Variants in VRK1 observed in about 807,000 individuals in gnomAD.
VRK1 encodes the protein VRK serine/threonine kinase 1.
VRK1 carries 33 observed loss-of-function variants against 57.1 expected under a neutral mutation model. The ratio of observed to expected loss-of-function variants is 0.58; its 90% confidence interval spans 0.44 to 0.77. The LOEUF (loss-of-function observed/expected upper bound fraction) is 0.77. Among genes scored for constraint, VRK1 ranks in the 30% least tolerant of loss-of-function variants. The pLI, the probability that VRK1 is intolerant of heterozygous loss-of-function variation, is 0.00. For synonymous variants in VRK1, 137 were observed against 147.8 expected (o/e 0.93, Z 0.53); for missense variants, 413 against 477.3 (o/e 0.87, Z 1.25).
Position 96,855,320 on chromosome 14 carries a change from A to G in VRK1, c.673A>G (p.Ile225Val). The G allele has an allele frequency of 6.2e-7, 1 of 1,614,108 alleles. No homozygotes were observed. Among genetic ancestry groups the G allele is most frequent in the Non-Finnish European group, 8.5e-7 (1 of 1,179,962 alleles). Residue 225 changes from isoleucine (I) to valine (V), a missense_variant, in exon 8 of 13, where the codon ATT (isoleucine) becomes GTT (valine). Ile to Val is a conservative substitution (Grantham distance 29). Coordinates refer to ENST00000216639, the MANE Select transcript of VRK1 (RefSeq NM_003384.3). Reference sequence around the variant, plus strand: ...CCCCAAAAGATGTCACGATGGCACTATTGAATTCACGAGCATCGATGCACA... The same window carrying G: ...CCCCAAAAGATGTCACGATGGCACTGTTGAATTCACGAGCATCGATGCACA... ...EDPKRCHDGT[I>V]EFTSIDAHNG...
chr14:96,832,927 C>G (rs186762803), intron 1 of VRK1, among the ~76,000 whole-genome samples: 5 of 152,048 alleles, frequency 3.3e-5, no homozygotes, highest in African/African-American at 4.8e-5. Context: ...TTAGTTTCCT[C>G]GAAATGGAGG....
chr14:96,838,861 T>C (rs943549946), intron 3 of VRK1, among the ~76,000 whole-genome samples: 2 of 152,220 alleles, frequency 1.3e-5, no homozygotes, highest in Admixed American at 6.5e-5. Context: ...TGGACCTTTT[T>C]AGTGATTTTT....
At chr14:96,806,319 T>C (rs948475951) in intron 1 of VRK1, among the ~76,000 whole-genome samples, 11 of 152,236 alleles carry the variant, frequency 7.2e-5, no homozygotes, top group African/African-American at 2.7e-4. Flanking sequence ...AAGTAGGCAA[T>C]TGGGGACAAT....
intron 1 of VRK1, among the ~76,000 whole-genome samples, chr14:96,831,164 C>A (rs1348215986): frequency 6.6e-6 from 1 of 152,206 alleles, no homozygotes; most frequent in Non-Finnish European, 1.5e-5. Context: ...ACCATACTTT[C>A]TTCTGCTTCC....
intron 1 of VRK1, among the ~76,000 whole-genome samples, chr14:96,822,105 A>G (rs1415485665): frequency 8.1e-5 from 11 of 135,510 alleles, no homozygotes; most frequent in African/African-American, 2.8e-4. Context: ...CTTAGCCCTT[A>G]TACCATTGGA....
intron 1 of VRK1, among the ~76,000 whole-genome samples, chr14:96,802,067 T>TA (rs1475940175): frequency 2.6e-5 from 4 of 152,244 alleles, no homozygotes; most frequent in Admixed American, 2.6e-4. Context: ...GTTCAGGTTA[T>TA]AACATTTAAG....
At chr14:96,851,951 A>G (rs1285661567) in intron 5 of VRK1, among the ~76,000 whole-genome samples, 3 of 152,228 alleles carry the variant, frequency 2.0e-5, no homozygotes, top group Admixed American at 2.0e-4. Context: ...GTCCTGATAC[A>G]TTCTGAGTGT....
chr14:96,853,300 C>T (rs1435820211), intron 7 of VRK1, 134 bp downstream of exon 7: 2 of 763,930 alleles, frequency 2.6e-6, no homozygotes, highest in East Asian at 2.7e-5. Flanking sequence ...CTTCTTGACA[C>T]TTTGATCTAG....
intron 4 of VRK1, among the ~76,000 whole-genome samples, chr14:96,846,496 T>G (rs1471135707): frequency 6.6e-6 from 1 of 152,124 alleles, no homozygotes; most frequent in Non-Finnish European, 1.5e-5. Flanking sequence ...GTCCCTTCTG[T>G]CCTTCTTCCA....
At chr14:96,836,773 C>T (rs963093233) in intron 2 of VRK1, among the ~76,000 whole-genome samples, 43 of 152,068 alleles carry the variant, frequency 2.8e-4, no homozygotes, top group African/African-American at 1.0e-3. Context: ...AGGTGATCCA[C>T]CTGCGTTGAC....
At chr14:96,847,754 A>G (rs1471886094) in intron 5 of VRK1, among the ~76,000 whole-genome samples, 6 of 152,184 alleles carry the variant, frequency 3.9e-5, no homozygotes. Context: ...GAAATGTTGG[A>G]TACATAATCT....
intron 4 of VRK1, 35 bp from the exon 5 acceptor site, chr14:96,847,222 C>G (rs1595670576): frequency 1.3e-6 from 2 of 1,555,602 alleles, no homozygotes; most frequent in East Asian, 4.5e-5. Flanking sequence ...TTATGTATAA[C>G]AATTGAAATC....
chr14:96,821,497 T>A (rs1404842344), intron 1 of VRK1, among the ~76,000 whole-genome samples: 1 of 152,206 alleles, frequency 6.6e-6, no homozygotes, highest in Admixed American at 6.5e-5. Context: ...CCCCTCTGTT[T>A]AGTGGCTAAA....
In VRK1 at chr14:96,833,576, G is replaced by A; in HGVS notation, c.105G>A (p.Lys35=). ...AGATAATAACTGACATGGCAAAAAA[G>A]GAATGGAAAGTAGGATTACCCATTG... ...VGEIITDMAK[K]EWKVGLPIGQ... is the part of the protein sequence containing the mutation. Residue 35 remains lysine (K), a synonymous_variant, in exon 2 of 13, where the codon AAG becomes AAA. Coordinates refer to ENST00000216639, the MANE Select transcript of VRK1 (RefSeq NM_003384.3). 1 of 1,613,776 alleles carries A rather than the reference G, an allele frequency of 6.2e-7. No homozygotes were observed. Among genetic ancestry groups the A allele is most frequent in the Non-Finnish European group, 8.5e-7 (1 of 1,179,752 alleles).
At chr14:96,856,780 A>G (rs1347290966) in intron 10 of VRK1, among the ~76,000 whole-genome samples, 194 bp downstream of exon 10, 1 of 152,160 alleles carries the variant, frequency 6.6e-6, no homozygotes, top group African/African-American at 2.4e-5. Flanking sequence ...CATCCTGGCT[A>G]ACATGGTGAA....
chr14:96,845,278 A>G (rs1887635919), intron 3 of VRK1, among the ~76,000 whole-genome samples: 1 of 152,212 alleles, frequency 6.6e-6, no homozygotes, highest in Non-Finnish European at 1.5e-5. Flanking sequence ...ACTAATTTTA[A>G]TCAGATGAAA....
At chr14:96,861,113 CG>C (rs1758781441) in intron 11 of VRK1, among the ~76,000 whole-genome samples, 1 of 152,060 alleles carries the variant, frequency 6.6e-6, no homozygotes, top group South Asian at 2.1e-4. Flanking sequence ...CAGTTGAAAA[CG>C]GGCATTTGAA....
rs188030392 is a variant in VRK1 at position 96,861,483 on chromosome 14, A to T, written c.1068+748A>T. ...AAGGAAAACAACTTTTAGAAGAAAAATTTTTTTTACATTATTAACCATTTT... is the reference window on the plus strand; with the variant it reads ...AAGGAAAACAACTTTTAGAAGAAAATTTTTTTTTACATTATTAACCATTTT... On this transcript the variant is annotated intron_variant, in intron 11 of 12. Coordinates refer to ENST00000216639, the MANE Select transcript of VRK1 (RefSeq NM_003384.3). Among the ~76,000 whole-genome samples, 264 of 152,060 alleles carry T rather than the reference A, an allele frequency of 1.7e-3. 2 individuals carry two copies. Among genetic ancestry groups the T allele is most frequent in the Admixed American group, 2.3e-3 (35 of 15,270 alleles).
At chr14:96,816,833 C>T (rs1025525963) in intron 1 of VRK1, among the ~76,000 whole-genome samples, 1 of 152,192 alleles carries the variant, frequency 6.6e-6, no homozygotes, top group African/African-American at 2.4e-5. Context: ...CAGCCACGTG[C>T]ATTGACTAGT....
Sources: allele counts gnomAD v4.1 joint callset (sites outside exome capture counted in the v4.1 genomes callset), GRCh38; gene constraint gnomAD v4.1.1; transcripts MANE v1.5; gene names NCBI Gene and HGNC (gene_info 2026-07-23, HGNC 2026-07-21).